The following LY75 variants were observed in gnomAD, a reference collection of about 807,000 sequenced individuals.
LY75 encodes lymphocyte antigen 75, also known as C-type lectin domain family 13 member B.
In LY75, 185 loss-of-function variants were observed where a neutral mutation model predicts 231.7. The ratio of observed to expected loss-of-function variants is 0.80; its 90% CI spans 0.71 to 0.90. LY75 has a LOEUF of 0.90. LY75 is among the 40% of genes least tolerant of loss of function. The pLI is 0.00. For synonymous variants in LY75, 668 were observed against 689.0 expected (o/e 0.97, Z 0.48); for missense variants, 1,947 against 2,050.2 (o/e 0.95, Z 0.97).
chr2:159,875,247 G>T (rs1685229315), intron 12 of LY75, among the ~76,000 whole-genome samples, 197 bp downstream of exon 12: 1 of 151,826 alleles, frequency 6.6e-6, no homozygotes, highest in African/African-American at 2.4e-5. Flanking sequence ...GCCCTTTCAG[G>T]TAGGACACGT....
chr2:159,892,632 G>A (rs1228915033), intron 3 of LY75, among the ~76,000 whole-genome samples: 1 of 152,118 alleles, frequency 6.6e-6, no homozygotes, highest in African/African-American at 2.4e-5. Flanking sequence ...TCAACCTATT[G>A]TCCATTAAGT....
At chr2:159,831,882 A>G (rs1426716816) in intron 27 of LY75, 96 bp from the exon 28 acceptor site, 26 of 939,304 alleles carry the variant, frequency 2.8e-5, no homozygotes, top group Non-Finnish European at 4.0e-5. Flanking sequence ...AGTTTAATAT[A>G]CTTCAAAATA....
rs535089285 is a variant in LY75, at chr2:159,810,427, A to G, written c.4699+99T>C. 4 of 1,502,264 alleles carry G rather than the reference A, an allele frequency of 2.7e-6. No individual in the cohort carries two copies. In the South Asian group the frequency reaches 5.3e-5, roughly 20 times the overall value. 93.1% of individuals were successfully genotyped at this position (1,502,264 alleles called of 1,614,324 possible). A position where few individuals can be genotyped will look rare whatever the true frequency, so the allele number is the denominator to read the frequency against. ...CTATTAGAAATGGAAAGTGCTTTAA[A>G]AATATTTTCAAAAATACAATCATTG... On this transcript the variant is annotated intron_variant, in intron 32 of 34. Coordinates refer to ENST00000263636, the MANE Select transcript of LY75 (RefSeq NM_002349.4).
Position 159,803,680 on chromosome 2 carries a change from G to A in LY75, c.*1364C>T, listed in dbSNP as rs1682719856. 6.6e-6 allele frequency: 1 copy of A among 152,162 alleles called. No homozygotes were observed. The highest frequency in any genetic ancestry group is 6.6e-5 in the Admixed American group (1 of 15,266). 9.4% of individuals were successfully genotyped at this position (152,162 alleles called of 1,614,324 possible). On this transcript the variant is annotated 3_prime_UTR_variant, in exon 35 of 35. Transcript: ENST00000263636. ...GAATAAAACATTTTCACCTTTTCCA[G>A]TGGATGCTATTACTAAGACTATAAT...
Position 159,877,029 on chromosome 2 carries a change from A to G in LY75, c.1774+1295T>C, listed in dbSNP as rs1574583849. Among the ~76,000 whole-genome samples, 2 of 66,566 alleles carry G rather than the reference A, an allele frequency of 3.0e-5. 1 individual carries two copies. Among genetic ancestry groups the G allele is most frequent in the South Asian group, 2.1e-3 (2 of 944 alleles). 43.7% of individuals were successfully genotyped at this position (66,566 alleles called of 152,430 possible). ...CATCTCAAAAAAAAAAAAAAAAAAA[A>G]AAAAAGAAAAAAGAAAAAGAAAAAA... is the stretch of plus-strand genomic sequence containing the variant. On this transcript the variant is annotated intron_variant, in intron 11 of 34. Transcript: ENST00000263636.
chr2:159,849,756 G>A (rs1398838746), intron 23 of LY75, among the ~76,000 whole-genome samples: 1 of 151,854 alleles, frequency 6.6e-6, no homozygotes, highest in Admixed American at 6.6e-5. Flanking sequence ...GAACATTTTC[G>A]CCATCCCCAA....
chr2:159,884,009 G>A (rs939229741), intron 6 of LY75, among the ~76,000 whole-genome samples: 21 of 152,162 alleles, frequency 1.4e-4, no homozygotes, highest in Non-Finnish European at 2.2e-4. Flanking sequence ...TGTTATGGGA[G>A]GGACCTGGTG....
intron 11 of LY75, 84 bp from the exon 12 acceptor site, chr2:159,875,727 C>T: frequency 6.6e-7 from 1 of 1,522,770 alleles, no homozygotes; most frequent in Non-Finnish European, 8.8e-7. Flanking sequence ...TTACTTCAGC[C>T]AAGTTGGGGA....
chr2:159,807,799 G>T, intron 33 of LY75: 1 of 947,574 alleles, frequency 1.1e-6, no homozygotes, highest in Non-Finnish European at 1.3e-6. Flanking sequence ...TGTCATATTT[G>T]TACTCTTATT....
chr2:159,877,494 C>A (rs1409301931), intron 11 of LY75, among the ~76,000 whole-genome samples: 1 of 152,136 alleles, frequency 6.6e-6, no homozygotes, highest in African/African-American at 2.4e-5. Context: ...TTCTGAGGTC[C>A]TTTCCGGCTT....
At chr2:159,814,959 AT>A in intron 31 of LY75, among the ~76,000 whole-genome samples, 1 of 151,558 alleles carries the variant, frequency 6.6e-6, no homozygotes, top group Middle Eastern at 3.4e-3. Context: ...TTTACAAAGT[AT>A]CAAAATTATT....
At chr2:159,869,707 A>G (rs940501939) in intron 13 of LY75, among the ~76,000 whole-genome samples, 1 of 152,220 alleles carries the variant, frequency 6.6e-6, no homozygotes, top group South Asian at 2.1e-4. Flanking sequence ...ATCTGCTTCA[A>G]GTAAATCTGT....
chr2:159,875,443 C>A lies in LY75; in HGVS notation c.1974+1G>T, dbSNP rs142381749. ...AGGATAGAATGAGAATGTCACTTTA[C>A]CTTATAACAAGAAAGACTTGCGGGG... is the stretch of plus-strand genomic sequence containing the variant. On this transcript the variant is annotated splice_donor_variant, in intron 12 of 34. Transcript: ENST00000263636. LOFTEE classifies it high-confidence loss of function. The A allele has an allele frequency of 2.0e-5, 33 of 1,612,634 alleles. No homozygotes were observed. In the Middle Eastern group the frequency reaches 5.0e-4, roughly 24 times the overall value.
rs770410204 is a variant in LY75, at chr2:159,850,410, G to C, written c.2941C>G (p.His981Asp). Residue 981 changes from histidine (H) to aspartate (D), a missense_variant, in exon 22 of 35, where the codon CAC becomes GAC. His to Asp is a moderately conservative substitution (Grantham distance 81). Transcript: ENST00000263636. ...LTFSQASDTC[H>D]SYGGTLPSVL... ...GAAGGAAGGGTGCCACCATAGGAGT[G>C]ACAGGTATCGCTTGCTTGAGAAAAT... The C allele has an allele frequency of 2.5e-6, 4 of 1,613,702 alleles. No individual in the cohort carries two copies. In the East Asian group the frequency reaches 8.9e-5, roughly 36 times the overall value.
chr2:159,850,482 A>G lies in LY75; in HGVS notation c.2884-15T>C, dbSNP rs780624930. 18 of 1,612,898 alleles carry G rather than the reference A, an allele frequency of 1.1e-5. No homozygotes were observed. The Admixed American group carries it at 2.0e-4, about 18-fold the overall frequency. On this transcript the variant is annotated splice_polypyrimidine_tract_variant and intron_variant, in intron 21 of 34. Transcript: ENST00000263636. The stretch of plus-strand genomic sequence containing the variant: ...TTTAGAAAACACTGCAAACAAAGAC[A>G]TATGTGAAGCATGAGATTCCAGACA...
intron 16 of LY75, among the ~76,000 whole-genome samples, chr2:159,857,434 C>T (rs187612664): frequency 6.6e-6 from 1 of 152,146 alleles, no homozygotes; most frequent in Non-Finnish European, 1.5e-5. Context: ...TTTCATACAG[C>T]CAATCTCTGC....
rs772043511 is a variant in LY75 at position 159,864,877 on chromosome 2, C to G, written c.2161G>C (p.Asp721His). ...LWIGLNKRSPDLQGSWQWSDR... is the reference protein window; with the variant it reads ...LWIGLNKRSPHLQGSWQWSDR... ...CTCCATTGCCAGGATCCTTGTAAATCTGGGCTCCTTTTATTCAAACCAATC... is the reference window on the plus strand; with the variant it reads ...CTCCATTGCCAGGATCCTTGTAAATGTGGGCTCCTTTTATTCAAACCAATC... Residue 721 changes from aspartate (D) to histidine (H), a missense_variant, in exon 14 of 35, where the codon GAT becomes CAT. Transcript: ENST00000263636. 1 of 1,605,144 alleles carries G rather than the reference C, an allele frequency of 6.2e-7. No individual in the cohort carries two copies. The highest frequency in any genetic ancestry group is 8.5e-7 in the Non-Finnish European group (1 of 1,175,762).
At chr2:159,866,021 C>T (rs1056958206) in intron 13 of LY75, among the ~76,000 whole-genome samples, 1 of 152,138 alleles carries the variant, frequency 6.6e-6, no homozygotes, top group Admixed American at 6.6e-5. Flanking sequence ...TAATATTCCA[C>T]ATAATTTAAC....
At chr2:159,863,167 T>C (rs1285979025) in intron 14 of LY75, among the ~76,000 whole-genome samples, 1 of 152,128 alleles carries the variant, frequency 6.6e-6, no homozygotes, top group Non-Finnish European at 1.5e-5. Flanking sequence ...TGAGTAGTAC[T>C]CCATTGTGTA....
Sources: allele counts gnomAD v4.1 joint callset (sites outside exome capture counted in the v4.1 genomes callset), GRCh38; gene constraint gnomAD v4.1.1; transcripts MANE v1.5; gene names NCBI Gene and HGNC (gene_info 2026-07-23, HGNC 2026-07-21).